PCDH9: variants seen among roughly 807,000 people sequenced by gnomAD.
PCDH9 encodes the protein protocadherin-9.
PCDH9 carries 24 observed loss-of-function variants against 70.6 expected under a neutral mutation model. That is an observed-to-expected ratio of 0.34 (90% confidence interval 0.25 to 0.48). The LOEUF (loss-of-function observed/expected upper bound fraction) is 0.48. Ranked by LOEUF, PCDH9 falls within the 20% of genes least tolerant of loss-of-function variation. The pLI is 0.99. For missense variants in PCDH9, 1,281 were observed against 1,503.6 expected, an observed-to-expected ratio of 0.85 and a Z score of 2.45; for synonymous variants, 562 against 558.5, an observed-to-expected ratio of 1.01 and a Z score of -0.09.
intron 3 of PCDH9, among the ~76,000 whole-genome samples, chr13:66,751,450 C>T (rs2079457109): frequency 6.6e-6 from 1 of 151,916 alleles, no homozygotes; most frequent in Non-Finnish European, 1.5e-5. Context: ...TTTTAGAAGC[C>T]CCTCCTACTA....
intron 3 of PCDH9, among the ~76,000 whole-genome samples, chr13:66,758,590 G>A (rs568178301): frequency 4.0e-5 from 6 of 151,496 alleles, no homozygotes; most frequent in African/African-American, 1.5e-4. Flanking sequence ...TTCTTTTTTG[G>A]TTGTGTTTTT....
At chr13:67,197,352 A>T (rs1472557923) in intron 2 of PCDH9, among the ~76,000 whole-genome samples, 3 of 152,024 alleles carry the variant, frequency 2.0e-5, no homozygotes, top group African/African-American at 7.2e-5. Context: ...CCATTATTAG[A>T]CAAGGAACTG....
chr13:66,485,083 TAGAA>T (rs1477595832), intron 4 of PCDH9, among the ~76,000 whole-genome samples: 1 of 152,214 alleles, frequency 6.6e-6, no homozygotes, highest in Non-Finnish European at 1.5e-5. Context: ...GAATGTGAAA[TAGAA>T]AGGCAGATGA....
chr13:67,014,049 C>CA (rs2139845969), intron 2 of PCDH9, among the ~76,000 whole-genome samples: 1 of 152,130 alleles, frequency 6.6e-6, no homozygotes, highest in South Asian at 2.1e-4. Flanking sequence ...AAACAGAGAT[C>CA]AAAACATATA....
chr13:67,176,381 C>A (rs1305644696), intron 2 of PCDH9, among the ~76,000 whole-genome samples: 10 of 152,090 alleles, frequency 6.6e-5, no homozygotes, highest in African/African-American at 2.4e-4. Context: ...TGTGCACAAG[C>A]ATTTTACCCC....
In PCDH9 at chr13:66,792,373, T is replaced by C. The variant is rs558880427; in HGVS notation, c.3138+111131A>G. Among the ~76,000 whole-genome samples, 86 of 152,248 alleles carry C rather than the reference T, an allele frequency of 5.6e-4. 1 individual carries two copies. Among genetic ancestry groups the C allele is most frequent in the African/African-American group, 1.9e-3 (81 of 41,576 alleles). On this transcript the variant is annotated intron_variant, in intron 3 of 4. Coordinates refer to ENST00000377865, the MANE Select transcript of PCDH9 (RefSeq NM_203487.3). ...CAGACCATATATGTGCAGCTTGTTA[T>C]AAAACCCAAACCTGGGCCAGGCACG...
intron 3 of PCDH9, among the ~76,000 whole-genome samples, chr13:66,887,034 AACACACACACACAC>A (rs9317623): frequency 0.024 from 3,501 of 143,904 alleles, 53 homozygotes; most frequent in Middle Eastern, 0.056. Context: ...CAAATATAAT[AACACACACACACAC>A]ACACACACAC....
intron 4 of PCDH9, among the ~76,000 whole-genome samples, chr13:66,541,445 C>A (rs574701111): frequency 6.6e-6 from 1 of 152,214 alleles, no homozygotes; most frequent in South Asian, 2.1e-4. Context: ...ATCAAGGTGT[C>A]AGCATGAAGA....
At chr13:66,782,452 A>G (rs9564350) in intron 3 of PCDH9, among the ~76,000 whole-genome samples, 56,850 of 151,776 alleles carry the variant, frequency 0.37, 10,919 homozygotes, top group East Asian at 0.58. Context: ...GTCACAACAC[A>G]CGATTAATGA....
At chr13:66,775,178 T>C (rs1348132143) in intron 3 of PCDH9, among the ~76,000 whole-genome samples, 1 of 152,228 alleles carries the variant, frequency 6.6e-6, no homozygotes, top group Non-Finnish European at 1.5e-5. Context: ...TTTTGAAGAA[T>C]AGAAAGTGGG....
At chr13:66,479,802 A>G (rs1327580577) in intron 4 of PCDH9, among the ~76,000 whole-genome samples, 2 of 152,206 alleles carry the variant, frequency 1.3e-5, no homozygotes, top group African/African-American at 4.8e-5. Flanking sequence ...ACTCTGTAAA[A>G]TGGACTAATC....
At chr13:66,477,497 G>T (rs2138499931) in intron 4 of PCDH9, among the ~76,000 whole-genome samples, 1 of 152,146 alleles carries the variant, frequency 6.6e-6, no homozygotes, top group Non-Finnish European at 1.5e-5. Flanking sequence ...TCAAAAGATG[G>T]CAATCCAACA....
At chr13:66,451,469 A>G (rs1958208404) in intron 4 of PCDH9, among the ~76,000 whole-genome samples, 1 of 152,212 alleles carries the variant, frequency 6.6e-6, no homozygotes, top group Non-Finnish European at 1.5e-5. Flanking sequence ...ATTAATTTCA[A>G]TATGCCTTTC....
At chr13:67,016,821 G>A (rs1425709739) in intron 2 of PCDH9, among the ~76,000 whole-genome samples, 2 of 152,218 alleles carry the variant, frequency 1.3e-5, no homozygotes, top group East Asian at 1.9e-4. Context: ...TTATACTTAT[G>A]TGTAGGTTCT....
rs749843130 is a variant in PCDH9 at position 67,000,961 on chromosome 13, G to A, written c.3037-97356C>T. On this transcript the variant is annotated intron_variant, in intron 2 of 4. Coordinates refer to ENST00000377865, the MANE Select transcript of PCDH9 (RefSeq NM_203487.3). Reference sequence around the variant, plus strand: ...TTTTTGACTTGCATTTATCAAATACGTACTATGGGCCTGTCAGTTTTCTAA... The same window carrying A: ...TTTTTGACTTGCATTTATCAAATACATACTATGGGCCTGTCAGTTTTCTAA... 5.9e-5 allele frequency among the ~76,000 whole-genome samples: 9 copies of A among 152,174 alleles called. No homozygotes were observed. The East Asian group carries it at 7.7e-4, about 13-fold the overall frequency.
chr13:67,199,085 T>A (rs1039410109), intron 2 of PCDH9, among the ~76,000 whole-genome samples: 6 of 151,514 alleles, frequency 4.0e-5, no homozygotes, highest in African/African-American at 1.4e-4. Context: ...TTAATAAACA[T>A]AAATTGTAGG....
intron 4 of PCDH9, among the ~76,000 whole-genome samples, chr13:66,547,086 A>G (rs1171706940): frequency 6.6e-6 from 1 of 152,216 alleles, no homozygotes; most frequent in Non-Finnish European, 1.5e-5. Flanking sequence ...TAATTACTTC[A>G]GTCTTCCACC....
chr13:67,113,699 C>CA (rs994359277), intron 2 of PCDH9, among the ~76,000 whole-genome samples: 1 of 152,138 alleles, frequency 6.6e-6, no homozygotes, highest in Admixed American at 6.5e-5. Context: ...AGGCGCCCGC[C>CA]ATCACGCCCG....
chr13:67,024,407 C>A (rs2084739056), intron 2 of PCDH9, among the ~76,000 whole-genome samples: 1 of 151,764 alleles, frequency 6.6e-6, no homozygotes, highest in Admixed American at 6.6e-5. Context: ...GTTGTTAATA[C>A]CTTTTATGTT....
Sources: allele counts gnomAD v4.1 joint callset (sites outside exome capture counted in the v4.1 genomes callset), GRCh38; gene constraint gnomAD v4.1.1; transcripts MANE v1.5; gene names NCBI Gene and HGNC (gene_info 2026-07-23, HGNC 2026-07-21).